The following DOCK10 variants were observed in gnomAD, a reference collection of about 807,000 sequenced individuals.
DOCK10 encodes dedicator of cytokinesis protein 10.
DOCK10 carries 145 observed loss-of-function variants against 280.1 expected under a neutral mutation model. That is an observed-to-expected ratio of 0.52 (90% CI 0.45 to 0.59). The LOEUF (loss-of-function observed/expected upper bound fraction) is 0.59, where lower values mean the gene tolerates loss of function less well. Among genes scored for constraint, DOCK10 ranks in the 20% least tolerant of loss-of-function variants. The pLI is 0.00. For missense variants in DOCK10, 2,368 were observed against 2,651.7 expected (o/e 0.89, Z 2.35); for synonymous variants, 915 against 942.2 (o/e 0.97, Z 0.53).
chr2:224,782,466 T>C (rs1691419865), intron 50 of DOCK10, among the ~76,000 whole-genome samples: 1 of 152,242 alleles, frequency 6.6e-6, no homozygotes, highest in Non-Finnish European at 1.5e-5. Flanking sequence ...CGATGTTTGC[T>C]CACTGCTGCT....
At chr2:224,853,173 G>C in intron 16 of DOCK10, 51 bp from the exon 17 acceptor site, 1 of 1,422,156 alleles carries the variant, frequency 7.0e-7, no homozygotes, top group East Asian at 2.3e-5. Flanking sequence ...TTCTTTTAAA[G>C]TGAACAATAG....
At position 225,021,431 on chromosome 2, in the gene DOCK10, G is replaced by A. The variant is rs116766423; in HGVS notation, c.123+20821C>T. Among the ~76,000 whole-genome samples, 689 of 152,198 alleles carry A rather than the reference G, an allele frequency of 4.5e-3. 8 individuals carry two copies. Among genetic ancestry groups the A allele is most frequent in the African/African-American group, 0.015 (614 of 41,522 alleles). On this transcript the variant is annotated intron_variant, in intron 1 of 55. Coordinates refer to ENST00000258390, the MANE Select transcript of DOCK10 (RefSeq NM_014689.3). The stretch of plus-strand genomic sequence containing the variant: ...TATGATTATGTCCCCCTTCAAAACT[G>A]CCCTTAGTGTTTATTTTAACCTAAT...
At chr2:224,788,432 T>A (rs1559403377) in intron 48 of DOCK10, among the ~76,000 whole-genome samples, 1 of 152,220 alleles carries the variant, frequency 6.6e-6, no homozygotes, top group Non-Finnish European at 1.5e-5. Flanking sequence ...TATATTTACT[T>A]CGTTTATTTG....
At chr2:224,935,188 C>T (rs955496084) in intron 1 of DOCK10, among the ~76,000 whole-genome samples, 1 of 152,148 alleles carries the variant, frequency 6.6e-6, no homozygotes, top group Non-Finnish European at 1.5e-5. Flanking sequence ...ATAGTCTGGG[C>T]TACCCAGGGC....
In DOCK10 at chr2:224,993,202, G is replaced by GTTTTTTTTTT. The variant is rs112976099; in HGVS notation, c.123+49040_123+49049dup. Among the ~76,000 whole-genome samples the GTTTTTTTTTT allele has an allele frequency of 4.0e-3, 545 of 136,144 alleles. 8 individuals carry two copies. The highest frequency in any genetic ancestry group is 0.014 in the African/African-American group (508 of 36,920). The allele number at this position is 136,144 out of a possible 152,430, so 89.3% of individuals were successfully genotyped here. A position where few individuals can be genotyped will look rare whatever the true frequency, so the allele number is the denominator to read the frequency against. The stretch of plus-strand genomic sequence containing the variant: ...AGACTCAGATGGTCTTTCTTTGGAA[G>GTTTTTTTTTT]TTTTTTTTTTTTTTTTGCTGTCCAA... On this transcript the variant is annotated intron_variant, in intron 1 of 55. Transcript: ENST00000258390.
At chr2:224,930,200 TAAA>T (rs749672431) in intron 2 of DOCK10, among the ~76,000 whole-genome samples, 5 of 92,238 alleles carry the variant, frequency 5.4e-5, no homozygotes, top group Admixed American at 1.3e-4. Flanking sequence ...TGACACTCGG[TAAA>T]AAAAAAAAAA....
chr2:224,964,736 T>G (rs560017078), intron 1 of DOCK10, among the ~76,000 whole-genome samples: 9 of 152,312 alleles, frequency 5.9e-5, no homozygotes, highest in Non-Finnish European at 1.2e-4. Flanking sequence ...AATGTTAAAT[T>G]TCACCTTTTG....
chr2:224,862,692 A>G lies in DOCK10; in HGVS notation c.1657T>C (p.Tyr553His). The G allele has an allele frequency of 1.2e-6, 2 of 1,612,618 alleles. No homozygotes were observed. Among genetic ancestry groups the G allele is most frequent in the African/African-American group, 1.3e-5 (1 of 74,992 alleles). ...NRQFCSKLGK[Y>H]RMPFAWAVRS... ...ACTGCCCAAGCAAAAGGCATACGGT[A>G]TTTTCCCAATTTGCTGCAGAATTGT... The change falls in exon 14 of 56, where the codon TAC becomes CAC. Residue 553 changes from tyrosine to histidine, a missense_variant. Tyr to His is a moderately conservative substitution (Grantham distance 83). Around this residue, in one of 2 missense-constraint regions of DOCK10, gnomAD observed 1,209 missense variants for 1,250.9 expected, o/e 0.97. Transcript: ENST00000258390.
chr2:224,994,186 G>T lies in DOCK10; in HGVS notation c.123+48066C>A, dbSNP rs141978380. ...CTATAGAAGCTAATGGTGATATAAA[G>T]CTTCAAAATCAAGTTTAATATGACA... On this transcript the variant is annotated intron_variant, in intron 1 of 55. Coordinates refer to ENST00000258390, the MANE Select transcript of DOCK10 (RefSeq NM_014689.3). Among the ~76,000 whole-genome samples, 1,479 of 152,260 alleles carry T rather than the reference G, an allele frequency of 9.7e-3. 14 individuals carry two copies. Among genetic ancestry groups the T allele is most frequent in the Middle Eastern group, 0.014 (4 of 290 alleles).
chr2:224,778,271 T>C lies in DOCK10; in HGVS notation c.5669A>G (p.Glu1890Gly). 1 of 1,603,078 alleles carries C rather than the reference T, an allele frequency of 6.2e-7. No homozygotes were observed. ...VAFYGQGFFE[E>G]EEGKEYIYKE... Reference sequence around the variant, plus strand: ...ATAAATATACTCTTTACCTTCTTCTTCTTCAAAAAAGCCCTATGGAACATA... The same window carrying C: ...ATAAATATACTCTTTACCTTCTTCTCCTTCAAAAAAGCCCTATGGAACATA... Residue 1890 changes from glutamate to glycine, a missense_variant, in exon 51 of 56, where the codon GAA becomes GGA. By Grantham distance (98) the Glu-to-Gly change is moderately conservative (BLOSUM62 -2). Around this residue, in one of 2 missense-constraint regions of DOCK10, gnomAD observed 1,159 missense variants for 1,400.8 expected, o/e 0.83. Transcript: ENST00000258390.
chr2:224,947,763 A>G (rs924533629), intron 1 of DOCK10, among the ~76,000 whole-genome samples: 3 of 152,138 alleles, frequency 2.0e-5, no homozygotes, highest in Admixed American at 1.3e-4. Context: ...GACACGTAAC[A>G]CAACTGTACG....
At chr2:224,980,540 T>C (rs1175776781) in intron 1 of DOCK10, among the ~76,000 whole-genome samples, 2 of 152,200 alleles carry the variant, frequency 1.3e-5, no homozygotes, top group Non-Finnish European at 1.5e-5. Context: ...GGGCTGGCAA[T>C]AAACCATTAG....
At chr2:224,827,255 T>C (rs1476932413) in intron 27 of DOCK10, among the ~76,000 whole-genome samples, 2 of 118,720 alleles carry the variant, frequency 1.7e-5, no homozygotes, top group Non-Finnish European at 3.3e-5. Flanking sequence ...AGAGCGAAAC[T>C]CCGTCTCAAA....
intron 47 of DOCK10, among the ~76,000 whole-genome samples, chr2:224,790,922 A>G (rs1268482621): frequency 6.6e-6 from 1 of 152,210 alleles, no homozygotes; most frequent in African/African-American, 2.4e-5. Context: ...GAATATGCTA[A>G]TATATCATAG....
At chr2:225,000,979 G>GA (rs1197365151) in intron 1 of DOCK10, among the ~76,000 whole-genome samples, 2 of 151,864 alleles carry the variant, frequency 1.3e-5, no homozygotes, top group Non-Finnish European at 2.9e-5. Flanking sequence ...ATCTCAAAAA[G>GA]AAAAAAAATT....
chr2:224,793,084 C>G lies in DOCK10; in HGVS notation c.5213-12G>C, dbSNP rs370482408. On this transcript the variant is annotated splice_polypyrimidine_tract_variant and intron_variant, in intron 46 of 55. Coordinates refer to ENST00000258390, the MANE Select transcript of DOCK10 (RefSeq NM_014689.3). ...CACTTTCCAGTAACCTATGGTAGTG[C>G]AAGATGAGGTTAGGACATTGCTACA... 6.4e-7 allele frequency: 1 copy of G among 1,572,386 alleles called. No individual in the cohort carries two copies. Among genetic ancestry groups the G allele is most frequent in the African/African-American group, 1.4e-5 (1 of 73,866 alleles).
At chr2:224,927,163 G>A (rs944664971) in intron 2 of DOCK10, among the ~76,000 whole-genome samples, 9 of 152,198 alleles carry the variant, frequency 5.9e-5, no homozygotes, top group South Asian at 2.1e-4. Flanking sequence ...TATACAGAGA[G>A]TGTAAAGGCC....
intron 3 of DOCK10, among the ~76,000 whole-genome samples, chr2:224,913,779 G>A (rs1252968663): frequency 6.6e-6 from 1 of 151,934 alleles, no homozygotes; most frequent in Non-Finnish European, 1.5e-5. Context: ...CCAGGCTGGA[G>A]TGCAGTGGCA....
At chr2:224,817,454 A>G (rs115913169) in intron 29 of DOCK10, among the ~76,000 whole-genome samples, 1,579 of 152,334 alleles carry the variant, frequency 0.01, 26 homozygotes, top group African/African-American at 0.036. Context: ...AAAATAAAAT[A>G]TATCCCATTT....
Sources: allele counts gnomAD v4.1 joint callset (sites outside exome capture counted in the v4.1 genomes callset), GRCh38; gene constraint gnomAD v4.1.1; regional missense constraint gnomAD v4.1.1; transcripts MANE v1.5; gene names NCBI Gene and HGNC (gene_info 2026-07-23, HGNC 2026-07-21).